Variants in DMRT1 observed in about 807,000 individuals in gnomAD.
The protein encoded by DMRT1 is doublesex and mab-3 related transcription factor 1.
A neutral mutation model predicts 32.3 loss-of-function variants in DMRT1; 7 were observed. The ratio of observed to expected loss-of-function variants is 0.22; its 90% CI spans 0.12 to 0.41. The LOEUF (loss-of-function observed/expected upper bound fraction) is 0.41, where lower values mean the gene tolerates loss of function less well. Ranked by LOEUF, DMRT1 falls within the 10% of genes least tolerant of loss-of-function variation. The pLI is 1.00. For synonymous variants in DMRT1, 278 were observed against 206.1 expected, an observed-to-expected ratio of 1.35 and a Z score of -2.99; for missense variants, 625 against 500.5, an observed-to-expected ratio of 1.25 and a Z score of -2.37.
At chr9:938,224 TTC>T (rs1299071757) in intron 4 of DMRT1, among the ~76,000 whole-genome samples, 1 of 152,190 alleles carries the variant, frequency 6.6e-6, no homozygotes, top group Non-Finnish European at 1.5e-5. Context: ...TCTAATTTTG[TTC>T]TTTCTTTTCA....
intron 4 of DMRT1, among the ~76,000 whole-genome samples, chr9:959,706 C>G (rs1819709569): frequency 7.6e-6 from 1 of 130,772 alleles, no homozygotes; most frequent in Admixed American, 7.9e-5. Context: ...TTTTGTATTT[C>G]CAGTAGAGAT....
intron 2 of DMRT1, among the ~76,000 whole-genome samples, chr9:888,661 G>A (rs1817025981): frequency 6.6e-6 from 1 of 151,782 alleles, no homozygotes; most frequent in South Asian, 2.1e-4. Flanking sequence ...TCAGGGGCAT[G>A]AAGGTATCTC....
chr9:853,558 C>T (rs544026844), intron 2 of DMRT1, among the ~76,000 whole-genome samples: 3 of 149,664 alleles, frequency 2.0e-5, no homozygotes, highest in African/African-American at 4.9e-5. Context: ...CTGCAATCTC[C>T]GCCTCCCAGG....
At chr9:849,235 A>C (rs1237336475) in intron 2 of DMRT1, among the ~76,000 whole-genome samples, 2 of 152,156 alleles carry the variant, frequency 1.3e-5, no homozygotes, top group South Asian at 2.1e-4. Flanking sequence ...TTCCCATTCT[A>C]CTTAACTGGG....
rs183970380 is a variant in DMRT1, at chr9:856,261, C to T, written c.538+9118C>T. 4.5e-4 allele frequency among the ~76,000 whole-genome samples: 69 copies of T among 152,244 alleles called. No homozygotes were observed. In the East Asian group the frequency reaches 0.01, roughly 22 times the overall value. On this transcript the variant is annotated intron_variant, in intron 2 of 4. Transcript: ENST00000382276. ...GATTAAAAATTCAAATGTAGTTTAA[C>T]GACTTAAGATGTAATTCATATACCA...
chr9:942,632 C>T (rs1189748602), intron 4 of DMRT1, among the ~76,000 whole-genome samples: 1 of 152,082 alleles, frequency 6.6e-6, no homozygotes, highest in Non-Finnish European at 1.5e-5. Context: ...TTTTTAAAAA[C>T]ACTATACCTG....
chr9:870,380 C>G (rs1816186099), intron 2 of DMRT1, among the ~76,000 whole-genome samples: 1 of 149,260 alleles, frequency 6.7e-6, no homozygotes, highest in Middle Eastern at 3.5e-3. Flanking sequence ...GCTTGGACAA[C>G]AAGAATGAAA....
chr9:899,054 G>A (rs188724538), intron 3 of DMRT1, among the ~76,000 whole-genome samples: 1 of 151,538 alleles, frequency 6.6e-6, no homozygotes, highest in Admixed American at 6.6e-5. Context: ...TTTTCAGATG[G>A]TTCACTAGTC....
intron 4 of DMRT1, among the ~76,000 whole-genome samples, chr9:947,072 G>A (rs986049066): frequency 4.6e-5 from 7 of 152,144 alleles, no homozygotes; most frequent in African/African-American, 1.7e-4. Flanking sequence ...GAAGCAACTC[G>A]TCTACAGCAG....
chr9:933,551 T>A (rs976635889), intron 4 of DMRT1, among the ~76,000 whole-genome samples: 5 of 152,320 alleles, frequency 3.3e-5, no homozygotes, highest in Middle Eastern at 3.4e-3. Context: ...CCTGGGACAC[T>A]TTTCAGCCTC....
intron 4 of DMRT1, among the ~76,000 whole-genome samples, chr9:952,973 G>T (rs184313725): frequency 9.9e-5 from 15 of 152,162 alleles, no homozygotes; most frequent in Non-Finnish European, 1.9e-4. Flanking sequence ...TATTCTCATA[G>T]CCTATAGACT....
At position 957,063 on chromosome 9, in the gene DMRT1, A is replaced by C. The variant is rs192846230; in HGVS notation, c.968-10922A>C. The stretch of plus-strand genomic sequence containing the variant: ...TGATCCTGTCACCCAGGTACTGAGC[A>C]TAGTACCCAACAGTTAATTTTTCAA... On this transcript the variant is annotated intron_variant, in intron 4 of 4. Coordinates refer to ENST00000382276, the MANE Select transcript of DMRT1 (RefSeq NM_021951.3). 2.0e-5 allele frequency among the ~76,000 whole-genome samples: 3 copies of C among 152,356 alleles called. No homozygotes were observed. In the East Asian group the frequency reaches 5.8e-4, roughly 29 times the overall value.
intron 4 of DMRT1, among the ~76,000 whole-genome samples, chr9:948,548 C>T (rs977189544): frequency 6.6e-5 from 10 of 152,014 alleles, no homozygotes; most frequent in South Asian, 6.2e-4. Context: ...TCTGCTGGCC[C>T]GGGACAGACC....
intron 2 of DMRT1, among the ~76,000 whole-genome samples, chr9:886,812 G>A (rs1334478243): frequency 6.6e-6 from 1 of 152,198 alleles, no homozygotes; most frequent in Non-Finnish European, 1.5e-5. Context: ...TGACACCCCA[G>A]TGTTGAAGCA....
At chr9:935,083 T>G (rs1012086813) in intron 4 of DMRT1, among the ~76,000 whole-genome samples, 1 of 152,246 alleles carries the variant, frequency 6.6e-6, no homozygotes, top group African/African-American at 2.4e-5. Context: ...AGTAGTGCAT[T>G]TAAAGACTGT....
chr9:927,631 T>C (rs1250712297), intron 4 of DMRT1, among the ~76,000 whole-genome samples: 1 of 152,204 alleles, frequency 6.6e-6, no homozygotes, highest in Non-Finnish European at 1.5e-5. Context: ...TATAGGCATA[T>C]ACTTCCCATC....
intron 3 of DMRT1, among the ~76,000 whole-genome samples, chr9:903,172 C>A (rs911772796): frequency 6.6e-6 from 1 of 152,142 alleles, no homozygotes; most frequent in Non-Finnish European, 1.5e-5. Flanking sequence ...GGACCCAATT[C>A]TCTTGGGTCT....
Position 932,288 on chromosome 9 carries a change from G to T in DMRT1, c.967+15381G>T, listed in dbSNP as rs569535205. On this transcript the variant is annotated intron_variant, in intron 4 of 4. Coordinates refer to ENST00000382276, the MANE Select transcript of DMRT1 (RefSeq NM_021951.3). Reference sequence around the variant, plus strand: ...TTTAACTCTGATGTACTGCTAAAGTGAGAGACTTTGCCAGTTTTCCTGGCA... The same window carrying T: ...TTTAACTCTGATGTACTGCTAAAGTTAGAGACTTTGCCAGTTTTCCTGGCA... Among the ~76,000 whole-genome samples the T allele has an allele frequency of 2.6e-3, 403 of 152,308 alleles. 1 individual carries two copies. Among genetic ancestry groups the T allele is most frequent in the Non-Finnish European group, 4.0e-3 (274 of 68,026 alleles).
intron 1 of DMRT1, among the ~76,000 whole-genome samples, chr9:842,528 T>G (rs1421203626): frequency 6.7e-6 from 1 of 149,760 alleles, no homozygotes. Context: ...GGGCCACCGC[T>G]CCCGGCGGGG....
Sources: allele counts gnomAD v4.1 joint callset (sites outside exome capture counted in the v4.1 genomes callset), GRCh38; gene constraint gnomAD v4.1.1; transcripts MANE v1.5; gene names NCBI Gene and HGNC (gene_info 2026-07-23, HGNC 2026-07-21).